CACNA1B: variants seen among roughly 807,000 people sequenced by gnomAD.
The protein encoded by CACNA1B is calcium voltage-gated channel subunit alpha1 B, also known as voltage-dependent N-type calcium channel subunit alpha-1B.
A neutral mutation model predicts 247.2 loss-of-function variants in CACNA1B; 70 were observed. That is an observed-to-expected ratio of 0.28 (90% CI 0.23 to 0.35). The LOEUF (loss-of-function observed/expected upper bound fraction) is 0.35. Among genes scored for constraint, CACNA1B ranks in the 10% least tolerant of loss-of-function variants. The pLI is 1.00. For synonymous variants in CACNA1B, 1,231 were observed against 1,294.4 expected, an observed-to-expected ratio of 0.95 and a Z score of 1.05; for missense variants, 2,367 against 3,197.4, an observed-to-expected ratio of 0.74 and a Z score of 6.26.
At position 137,952,337 on chromosome 9, in the gene CACNA1B, T is replaced by A; in HGVS notation, c.1030T>A (p.Ser344Thr). The part of the protein sequence containing the change: ...LYFIPLIIIG[S>T]FFMLNLVLGV... ...CTTCATCCCTCTCATCATCATCGGC[T>A]CCTTCTTCATGCTCAACCTGGTGCT... Residue 344 changes from serine (S) to threonine (T), a missense_variant, in exon 7 of 47, where the codon TCC becomes ACC. Physicochemically the swap from Ser to Thr is moderately conservative, Grantham distance 58. Coordinates refer to ENST00000371372, the MANE Select transcript of CACNA1B (RefSeq NM_000718.4). This position sits in a 1 kb window ranked among gnomAD's most constrained non-coding sequence, Gnocchi z 4.8. 6.2e-7 allele frequency: 1 copy of A among 1,613,608 alleles called. No homozygotes were observed. The highest frequency in any genetic ancestry group is 8.5e-7 in the Non-Finnish European group (1 of 1,179,712).
chr9:137,903,279 G>A (rs1396128579), intron 3 of CACNA1B, among the ~76,000 whole-genome samples: 16 of 152,216 alleles, frequency 1.1e-4, no homozygotes, highest in South Asian at 2.1e-4. Flanking sequence ...CCAGCTACTC[G>A]GGAGCCTGAG....
intron 12 of CACNA1B, among the ~76,000 whole-genome samples, chr9:137,983,870 T>C (rs1389735446): frequency 8.3e-6 from 1 of 120,810 alleles, no homozygotes; most frequent in African/African-American, 3.2e-5. Flanking sequence ...ACCTGGTCCA[T>C]GTCCTGTGTC....
intron 12 of CACNA1B, among the ~76,000 whole-genome samples, chr9:137,978,603 G>C (rs761530655): frequency 1.2e-4 from 18 of 152,218 alleles, no homozygotes; most frequent in Non-Finnish European, 2.2e-4. Flanking sequence ...ACAGGAGCCA[G>C]AGAGGGGCCT....
intron 31 of CACNA1B, among the ~76,000 whole-genome samples, chr9:138,063,558 T>G (rs1959810010): frequency 6.6e-6 from 1 of 152,240 alleles, no homozygotes; most frequent in African/African-American, 2.4e-5. Flanking sequence ...TGACATAGGG[T>G]CAGACTGTGA....
At chr9:138,038,391 C>T (rs774405081) in intron 20 of CACNA1B, among the ~76,000 whole-genome samples, 4 of 152,232 alleles carry the variant, frequency 2.6e-5, no homozygotes, top group Admixed American at 2.0e-4. Context: ...AAGCAGCACA[C>T]GCTGGACACT....
At chr9:138,047,933 C>CT (rs1220122729) in intron 23 of CACNA1B, among the ~76,000 whole-genome samples, 2 of 152,180 alleles carry the variant, frequency 1.3e-5, no homozygotes, top group East Asian at 1.9e-4. Context: ...CTGTCTGCCT[C>CT]TAAGTGTTGA....
chr9:137,890,201 T>A (rs7022569), intron 3 of CACNA1B: 2 of 150,076 alleles, frequency 1.3e-5, no homozygotes, highest in South Asian at 2.1e-4. Context: ...GTTGCAGACG[T>A]CTGGGGCCTC....
Position 137,956,753 on chromosome 9 carries a change from G to C in CACNA1B, c.1187-18G>C, listed in dbSNP as rs202067088. 11 of 1,612,934 alleles carry C rather than the reference G, an allele frequency of 6.8e-6. No homozygotes were observed. Among genetic ancestry groups the C allele is most frequent in the Non-Finnish European group, 9.3e-6 (11 of 1,179,264 alleles). ...GGGGTCAGGAGGGCTCTGACCTGAG[G>C]CTGTGTTCCCCTCGCAGAGGAAGTC... On this transcript the variant is annotated intron_variant, in intron 8 of 46. Transcript: ENST00000371372.
rs540967089 is a variant in CACNA1B at position 138,098,409 on chromosome 9, A to G, written c.5222+1798A>G. On this transcript the variant is annotated intron_variant, in intron 37 of 46. Transcript: ENST00000371372. ...AGGTCACCCTGAATGTGTGGTTTAG[A>G]GAGTCGCTGCTTTTTCTGGGTGTAT... Among the ~76,000 whole-genome samples, 3 of 152,316 alleles carry G rather than the reference A, an allele frequency of 2.0e-5. No homozygotes were observed. In the South Asian group the frequency reaches 6.2e-4, roughly 32 times the overall value.
At position 138,046,955 on chromosome 9, in the gene CACNA1B, C is replaced by T; in HGVS notation, c.3465C>T (p.Val1155=). ...TGACCATGAGGTACTTCGAGGTGGT[C>T]ATTCTCGTGGTCATCGCCTTGAGCA... ...YIVTMRYFEV[V]ILVVIALSSI... Residue 1155 remains valine (V), a synonymous_variant, in exon 22 of 47, where the codon GTC becomes GTT. Transcript: ENST00000371372. 6.2e-7 allele frequency: 1 copy of T among 1,613,364 alleles called. No homozygotes were observed. Among genetic ancestry groups the T allele is most frequent in the African/African-American group, 1.3e-5 (1 of 75,064 alleles).
chr9:138,112,587 G>A (rs1343399335), intron 40 of CACNA1B, 82 bp downstream of exon 40: 7 of 967,744 alleles, frequency 7.2e-6, no homozygotes, highest in Non-Finnish European at 1.2e-5. Context: ...GGAGGTGAGG[G>A]TGAGGGATGA....
At chr9:138,028,013 C>T (rs1235251020) in intron 20 of CACNA1B, among the ~76,000 whole-genome samples, 2 of 150,288 alleles carry the variant, frequency 1.3e-5, no homozygotes, top group Non-Finnish European at 3.0e-5. Flanking sequence ...CATTTCCACT[C>T]CCCCCCAACC....
At position 137,942,149 on chromosome 9, in the gene CACNA1B, T is replaced by G. The variant is rs561626728; in HGVS notation, c.967-10125T>G. ...CAAATTAGCAAGAAAAAAAATCCCA[T>G]CAAAAAGTGGGCTAAGGACATGAAT... On this transcript the variant is annotated intron_variant, in intron 6 of 46. Coordinates refer to ENST00000371372, the MANE Select transcript of CACNA1B (RefSeq NM_000718.4). Among the ~76,000 whole-genome samples, 6 of 151,814 alleles carry G rather than the reference T, an allele frequency of 4.0e-5. No homozygotes were observed. In the South Asian group the frequency reaches 1.3e-3, roughly 32 times the overall value.
chr9:138,046,997 T>G lies in CACNA1B; in HGVS notation c.3507T>G (p.Ala1169=). 1.2e-6 allele frequency: 2 copies of G among 1,613,496 alleles called. No individual in the cohort carries two copies. The highest frequency in any genetic ancestry group is 1.7e-6 in the Non-Finnish European group (2 of 1,179,646). The change falls in exon 22 of 47, where the codon GCT becomes GCG. Residue 1169 remains alanine (A), a synonymous_variant. Transcript: ENST00000371372. ...CCTTGAGCAGCATCGCCCTGGCTGC[T>G]GAGGACCCAGTGCGCACAGACTCGC... ...VIALSSIALA[A]EDPVRTDSPR... is the part of the protein sequence containing the mutation.
chr9:138,021,946 G>A (rs1483849288), intron 18 of CACNA1B, among the ~76,000 whole-genome samples: 1 of 152,250 alleles, frequency 6.6e-6, no homozygotes, highest in Non-Finnish European at 1.5e-5. Context: ...GTTTCTCCCT[G>A]GCGATGGTGG....
chr9:137,984,135 C>T lies in CACNA1B; in HGVS notation c.1657-3C>T. 1.3e-6 allele frequency: 2 copies of T among 1,587,960 alleles called. No homozygotes were observed. Among genetic ancestry groups the T allele is most frequent in the Non-Finnish European group, 1.7e-6 (2 of 1,166,702 alleles). On this transcript the variant is annotated splice_region_variant and splice_polypyrimidine_tract_variant and intron_variant, in intron 12 of 46. Coordinates refer to ENST00000371372, the MANE Select transcript of CACNA1B (RefSeq NM_000718.4). ...ACCCAAGGCTAATGCCATCCCGTTG[C>T]AGGTCATCGTGGGGAGCGTCTTTGA... is the stretch of plus-strand genomic sequence containing the variant.
chr9:137,921,011 G>A (rs1448926607), intron 6 of CACNA1B, among the ~76,000 whole-genome samples: 2 of 148,924 alleles, frequency 1.3e-5, no homozygotes, highest in African/African-American at 5.0e-5. Flanking sequence ...GGGTGTGTAG[G>A]TGGGTGTTTG....
In CACNA1B at chr9:137,986,321, A is replaced by AT; in HGVS notation, c.1770-92_1770-91insT. ...TAGGTGTGCAGCCCTCAGGGTTTAG[A>AT]AAGTCAGTGGAGCCTTAAGTGTGGC... On this transcript the variant is annotated intron_variant, in intron 13 of 46. Transcript: ENST00000371372. The surrounding 1 kb of genome is among the most constrained non-coding windows in gnomAD (Gnocchi z 6.0). 3 of 1,427,894 alleles carry AT rather than the reference A, an allele frequency of 2.1e-6. No homozygotes were observed. Among genetic ancestry groups the AT allele is most frequent in the Non-Finnish European group, 2.9e-6 (3 of 1,039,798 alleles). The allele number at this position is 1,427,894 out of a possible 1,614,324, so 88.5% of individuals were successfully genotyped here. A position where few individuals can be genotyped will look rare whatever the true frequency, so the allele number is the denominator to read the frequency against.
intron 3 of CACNA1B, among the ~76,000 whole-genome samples, chr9:137,895,870 G>C (rs1415365920): frequency 6.6e-6 from 1 of 152,180 alleles, no homozygotes; most frequent in Admixed American, 6.5e-5. Context: ...CTGTGTTGAA[G>C]AGTGGTGTGG....
Sources: gnomAD v4.1 joint callset for allele counts (sites outside exome capture counted in the v4.1 genomes callset) on GRCh38, gnomAD v4.1.1 for gene constraint, Gnocchi (gnomAD v3.1) non-coding constraint, MANE v1.5 for transcripts, NCBI Gene and HGNC (gene_info 2026-07-23, HGNC 2026-07-21) for gene names.